KLF12: variants seen among roughly 807,000 people sequenced by gnomAD.
KLF12 encodes Krueppel-like factor 12.
Under a neutral mutation model 37.8 loss-of-function variants are expected in KLF12, and 9 were observed. The observed-to-expected ratio is 0.24, with a 90% confidence interval of 0.14 to 0.42. The LOEUF (loss-of-function observed/expected upper bound fraction) is 0.42, where lower values mean the gene tolerates loss of function less well. Ranked by LOEUF, KLF12 falls within the 10% of genes least tolerant of loss-of-function variation. The pLI is 1.00. For missense variants in KLF12, 411 were observed against 516.0 expected (o/e 0.80, Z 1.97); for synonymous variants, 208 against 202.1 (o/e 1.03, Z -0.25).
chr13:74,126,883 GT>G (rs1432520144), intron 1 of KLF12, among the ~76,000 whole-genome samples: 4 of 152,208 alleles, frequency 2.6e-5, no homozygotes, highest in Non-Finnish European at 5.9e-5. Context: ...ACCAGTACCT[GT>G]TTACTAAAGA....
intron 1 of KLF12, among the ~76,000 whole-genome samples, chr13:74,132,294 A>G (rs1411458502): frequency 6.6e-6 from 1 of 152,096 alleles, no homozygotes; most frequent in African/African-American, 2.4e-5. Flanking sequence ...AAACAACTCT[A>G]TCGTCCAGTA....
rs115494271 is a variant in KLF12 at position 73,691,712 on chromosome 13, G to C, written c.*3778C>G. 6.6e-6 allele frequency: 1 copy of C among 152,616 alleles called. No homozygotes were observed. Among genetic ancestry groups the C allele is most frequent in the East Asian group, 1.9e-4 (1 of 5,178 alleles). The allele number at this position is 152,616 out of a possible 1,614,324, so 9.5% of individuals were successfully genotyped here. On this transcript the variant is annotated 3_prime_UTR_variant, in exon 8 of 8. Coordinates refer to ENST00000377669, the MANE Select transcript of KLF12 (RefSeq NM_007249.5). ...ACCAGATTTATTCAGTTGCAGCTTTGGTAAGTATAATAAATCAAGTACAGA... is the reference window on the plus strand; with the variant it reads ...ACCAGATTTATTCAGTTGCAGCTTTCGTAAGTATAATAAATCAAGTACAGA...
the KLF12 span, among the ~76,000 whole-genome samples, chr13:74,206,688 T>C: frequency 1.3e-5 from 2 of 152,214 alleles, no homozygotes; most frequent in African/African-American, 4.8e-5. Flanking sequence ...TGAGAAGAGA[T>C]GGTTTAGGCT....
At chr13:73,845,741 T>A in intron 4 of KLF12, 86 bp downstream of exon 4, 1 of 1,211,544 alleles carries the variant, frequency 8.3e-7, no homozygotes, top group Non-Finnish European at 1.2e-6. Context: ...AGATGTAGTG[T>A]TTGTATACAA....
chr13:74,293,371 G>A, the KLF12 span, among the ~76,000 whole-genome samples: 6 of 152,084 alleles, frequency 3.9e-5, no homozygotes, highest in African/African-American at 9.7e-5. Context: ...TGATCCTCAC[G>A]AATTTTTGGG....
chr13:73,877,110 A>G (rs1012217713), intron 3 of KLF12, among the ~76,000 whole-genome samples: 3 of 152,130 alleles, frequency 2.0e-5, no homozygotes, highest in African/African-American at 7.2e-5. Context: ...TTATACATTG[A>G]ACCTCTGTTC....
chr13:73,873,140 T>C (rs1812562896), intron 3 of KLF12, among the ~76,000 whole-genome samples: 2 of 152,086 alleles, frequency 1.3e-5, no homozygotes, highest in Admixed American at 6.6e-5. Flanking sequence ...ATTTTATATA[T>C]ATATATAAAC....
At chr13:74,006,624 C>A (rs922926679) in intron 1 of KLF12, among the ~76,000 whole-genome samples, 3 of 152,232 alleles carry the variant, frequency 2.0e-5, no homozygotes, top group African/African-American at 7.2e-5. Flanking sequence ...GACAGCAGCA[C>A]TTCCAAGAAC....
At chr13:74,127,237 T>TTCTA (rs1877991567) in intron 1 of KLF12, among the ~76,000 whole-genome samples, 1 of 152,246 alleles carries the variant, frequency 6.6e-6, no homozygotes, top group Admixed American at 6.5e-5. Context: ...CATGGTTTAA[T>TTCTA]TCTACTATAC....
At position 74,121,970 on chromosome 13, in the gene KLF12, A is replaced by T. The variant is rs144003755; in HGVS notation, c.-32+11769T>A. ...CTCTCTTATACCATATACAACAATA[A>T]ATTCCAAATAGATTAAAGACAAAAA... On this transcript the variant is annotated intron_variant, in intron 1 of 7. Coordinates refer to ENST00000377669, the MANE Select transcript of KLF12 (RefSeq NM_007249.5). Among the ~76,000 whole-genome samples the T allele has an allele frequency of 1.4e-4, 22 of 152,210 alleles. No individual in the cohort carries two copies. The East Asian group carries it at 3.9e-3, about 27-fold the overall frequency.
intron 1 of KLF12, among the ~76,000 whole-genome samples, chr13:74,023,366 G>A (rs552380834): frequency 6.6e-6 from 1 of 152,332 alleles, no homozygotes; most frequent in African/African-American, 2.4e-5. Flanking sequence ...ATTGGCAGGT[G>A]TATTAGTTTC....
chr13:74,063,371 T>G (rs1465543371), intron 1 of KLF12, among the ~76,000 whole-genome samples: 1 of 152,224 alleles, frequency 6.6e-6, no homozygotes, highest in East Asian at 1.9e-4. Context: ...GCCAATACCA[T>G]GCATTCAGAC....
chr13:74,198,846 G>C, the KLF12 span, among the ~76,000 whole-genome samples: 1 of 152,150 alleles, frequency 6.6e-6, no homozygotes, highest in Non-Finnish European at 1.5e-5. Context: ...TGCCATGGAA[G>C]GAAGCCAAGA....
intron 1 of KLF12, among the ~76,000 whole-genome samples, chr13:74,116,006 A>G (rs1440543909): frequency 6.6e-6 from 1 of 152,228 alleles, no homozygotes; most frequent in Non-Finnish European, 1.5e-5. Context: ...GAGATTTACC[A>G]TTCCACACTC....
intron 3 of KLF12, among the ~76,000 whole-genome samples, chr13:73,877,576 C>A (rs549378660): frequency 1.3e-5 from 2 of 152,298 alleles, no homozygotes; most frequent in African/African-American, 4.8e-5. Flanking sequence ...CCATTGTCTT[C>A]TAGCTGCCAC....
At chr13:73,752,050 A>C (rs1265040200) in intron 6 of KLF12, among the ~76,000 whole-genome samples, 1 of 151,818 alleles carries the variant, frequency 6.6e-6, no homozygotes. Context: ...CCCAGGCTGG[A>C]GTGCTCACTG....
chr13:74,191,445 A>T, the KLF12 span, among the ~76,000 whole-genome samples: 3 of 152,180 alleles, frequency 2.0e-5, no homozygotes, highest in Non-Finnish European at 2.9e-5. Context: ...ATATTTAACC[A>T]ACTAGCATCA....
intron 5 of KLF12, among the ~76,000 whole-genome samples, chr13:73,782,667 C>T (rs188441796): frequency 1.1e-3 from 169 of 152,312 alleles, no homozygotes; most frequent in Non-Finnish European, 1.3e-3. Context: ...TTTGGAAATG[C>T]AATGTTGAAC....
intron 1 of KLF12, among the ~76,000 whole-genome samples, chr13:74,052,385 T>C (rs145821625): frequency 0.012 from 1,883 of 152,242 alleles, 32 homozygotes; most frequent in African/African-American, 0.043. Context: ...TTAAAATAAT[T>C]GTTGGAAGCG....
Sources: allele counts gnomAD v4.1 joint callset (sites outside exome capture counted in the v4.1 genomes callset), GRCh38; gene constraint gnomAD v4.1.1; transcripts MANE v1.5; gene names NCBI Gene and HGNC (gene_info 2026-07-23, HGNC 2026-07-21).